Variants in RABGAP1L observed in about 807,000 individuals in gnomAD.
RABGAP1L encodes the protein RAB GTPase activating protein 1 like, also known as rab GTPase-activating protein 1-like.
RABGAP1L carries 63 observed loss-of-function variants against 137.7 expected under a neutral mutation model. The observed-to-expected ratio is 0.46, with a 90% CI of 0.37 to 0.56. The LOEUF (loss-of-function observed/expected upper bound fraction) is 0.56, where lower values mean the gene tolerates loss of function less well. Ranked by LOEUF, RABGAP1L falls within the 20% of genes least tolerant of loss-of-function variation. The probability of loss-of-function intolerance (pLI) is 0.00; values close to 1 mark genes in which losing one functional copy is unlikely to be tolerated. For missense variants in RABGAP1L, 1,095 were observed against 1,244.0 expected, an observed-to-expected ratio of 0.88 and a Z score of 1.80; for synonymous variants, 431 against 433.7, an observed-to-expected ratio of 0.99 and a Z score of 0.08.
intron 1 of RABGAP1L, among the ~76,000 whole-genome samples, chr1:174,186,139 C>T (rs1437725226): frequency 7.0e-6 from 1 of 142,636 alleles, no homozygotes; most frequent in East Asian, 2.0e-4. Context: ...AGCGAAATTC[C>T]ATCTCAAAAA....
At chr1:174,603,379 T>C (rs1670554843) in intron 13 of RABGAP1L, among the ~76,000 whole-genome samples, 1 of 152,140 alleles carries the variant, frequency 6.6e-6, no homozygotes, top group Non-Finnish European at 1.5e-5. Context: ...GTGGCTACCA[T>C]CACTTGGACT....
At chr1:174,395,831 C>A (rs2149088434) in intron 13 of RABGAP1L, among the ~76,000 whole-genome samples, 1 of 121,988 alleles carries the variant, frequency 8.2e-6, no homozygotes, top group Admixed American at 8.2e-5. Flanking sequence ...TAGCAAGACC[C>A]TGTCTCTAAA....
chr1:174,492,592 C>T (rs931919388), intron 13 of RABGAP1L, among the ~76,000 whole-genome samples: 7 of 152,046 alleles, frequency 4.6e-5, no homozygotes, highest in East Asian at 1.9e-4. Context: ...TCAGGCGATC[C>T]GCCTGCCTCA....
chr1:174,432,486 G>A (rs952420634), intron 13 of RABGAP1L, among the ~76,000 whole-genome samples: 1 of 152,018 alleles, frequency 6.6e-6, no homozygotes, highest in African/African-American at 2.4e-5. Context: ...GCTAATCACA[G>A]GATTTTCCTA....
In RABGAP1L at chr1:174,914,905, A is replaced by G. The variant is rs555430266; in HGVS notation, c.2341-42552A>G. Reference sequence around the variant, plus strand: ...GTATGTATAAATGGAACCATACAGTATTTAGTCTTTTGTACTTGGCTTCTT... The same window carrying G: ...GTATGTATAAATGGAACCATACAGTGTTTAGTCTTTTGTACTTGGCTTCTT... On this transcript the variant is annotated intron_variant, in intron 19 of 25. Transcript: ENST00000681986. Among the ~76,000 whole-genome samples, 205 of 152,298 alleles carry G rather than the reference A, an allele frequency of 1.3e-3. 3 individuals carry two copies. The highest frequency in any genetic ancestry group is 4.8e-3 in the African/African-American group (199 of 41,566).
chr1:174,901,410 A>G (rs1658119839), intron 19 of RABGAP1L, among the ~76,000 whole-genome samples: 1 of 152,190 alleles, frequency 6.6e-6, no homozygotes, highest in Non-Finnish European at 1.5e-5. Context: ...AGGAGAGAGA[A>G]TGAGTGCCCG....
Position 174,761,118 on chromosome 1 carries a change from G to A in RABGAP1L, c.2211+8764G>A, listed in dbSNP as rs1685184404. On this transcript the variant is annotated intron_variant, in intron 18 of 25. Transcript: ENST00000681986. This position sits in a 1 kb window ranked among gnomAD's most constrained non-coding sequence, Gnocchi z 4.0. ...TTACAGTTCCACGTGGCTGGGCCAG[G>A]CCTCACAATCATGAAGGACGGCAAG... is the stretch of plus-strand genomic sequence containing the variant. Among the ~76,000 whole-genome samples, 1 of 152,190 alleles carries A rather than the reference G, an allele frequency of 6.6e-6. No individual in the cohort carries two copies. The highest frequency in any genetic ancestry group is 6.5e-5 in the Admixed American group (1 of 15,282).
chr1:174,750,368 T>A (rs996728491), intron 17 of RABGAP1L, among the ~76,000 whole-genome samples: 2 of 152,146 alleles, frequency 1.3e-5, no homozygotes, highest in Non-Finnish European at 2.9e-5. Context: ...AACTATTTTT[T>A]TCAGGTTTAG....
chr1:174,276,780 A>G (rs1445699387), intron 9 of RABGAP1L, among the ~76,000 whole-genome samples: 1 of 152,024 alleles, frequency 6.6e-6, no homozygotes, highest in Non-Finnish European at 1.5e-5. Context: ...AGAATGTATA[A>G]ATGTTGAATA....
At chr1:174,752,272 C>A in intron 17 of RABGAP1L, 41 bp from the exon 18 acceptor site, 3 of 1,393,096 alleles carry the variant, frequency 2.2e-6, no homozygotes, top group Non-Finnish European at 3.0e-6. Context: ...AATAGTGATA[C>A]ATGTGGCAGT....
At chr1:174,579,017 C>G (rs1056140446) in intron 13 of RABGAP1L, among the ~76,000 whole-genome samples, 4 of 152,022 alleles carry the variant, frequency 2.6e-5, no homozygotes, top group Admixed American at 2.0e-4. Context: ...ATTTAAGTCG[C>G]TCAAATTTCT....
chr1:174,175,203 A>G (rs1023897465), intron 1 of RABGAP1L, among the ~76,000 whole-genome samples: 4 of 152,202 alleles, frequency 2.6e-5, no homozygotes, highest in Non-Finnish European at 5.9e-5. Flanking sequence ...GTACAATATT[A>G]TATAACTGTA....
At chr1:174,918,754 G>C (rs765634119) in intron 19 of RABGAP1L, among the ~76,000 whole-genome samples, 10 of 151,450 alleles carry the variant, frequency 6.6e-5, no homozygotes, top group Non-Finnish European at 8.8e-5. Flanking sequence ...TTCATCCTGG[G>C]AGACAGAGCA....
chr1:174,735,380 G>C (rs1387199290), intron 17 of RABGAP1L, among the ~76,000 whole-genome samples: 5 of 151,742 alleles, frequency 3.3e-5, no homozygotes, highest in African/African-American at 1.2e-4. Context: ...AGATAATAGG[G>C]TCAACTCAAT....
intron 19 of RABGAP1L, among the ~76,000 whole-genome samples, chr1:174,867,421 A>G (rs1414216402): frequency 6.6e-6 from 1 of 152,176 alleles, no homozygotes; most frequent in Non-Finnish European, 1.5e-5. Context: ...ATATAAGGAT[A>G]CAACATTAAG....
intron 13 of RABGAP1L, among the ~76,000 whole-genome samples, chr1:174,623,023 T>G (rs1672655567): frequency 6.6e-6 from 1 of 152,208 alleles, no homozygotes; most frequent in Non-Finnish European, 1.5e-5. Context: ...CACTTAATAT[T>G]CTTCCTTGCA....
chr1:174,488,229 C>G (rs1659863583), intron 13 of RABGAP1L, among the ~76,000 whole-genome samples: 1 of 151,892 alleles, frequency 6.6e-6, no homozygotes, highest in African/African-American at 2.4e-5. Flanking sequence ...GTGTTTAAGG[C>G]CTTTGGCTTT....
At chr1:174,447,650 G>T (rs1407315532) in intron 13 of RABGAP1L, among the ~76,000 whole-genome samples, 1 of 152,102 alleles carries the variant, frequency 6.6e-6, no homozygotes, top group Non-Finnish European at 1.5e-5. Flanking sequence ...ATTCTTTCCA[G>T]TTGCTCCCTA....
chr1:174,666,034 C>G (rs1295788331), intron 14 of RABGAP1L, among the ~76,000 whole-genome samples: 3 of 152,182 alleles, frequency 2.0e-5, no homozygotes, highest in Non-Finnish European at 4.4e-5. Flanking sequence ...TTTTGTCACT[C>G]TGTGACCTCT....
Sources: gnomAD v4.1 joint callset for allele counts (sites outside exome capture counted in the v4.1 genomes callset) on GRCh38, gnomAD v4.1.1 for gene constraint, Gnocchi (gnomAD v3.1) non-coding constraint, MANE v1.5 for transcripts, NCBI Gene and HGNC (gene_info 2026-07-23, HGNC 2026-07-21) for gene names.